The following PVT1 variants were observed in gnomAD, a reference collection of about 807,000 sequenced individuals.
PVT1 encodes the protein CXCR4/PVT1 fusion.
intron 3 of PVT1, among the ~76,000 whole-genome samples, chr8:127,968,609 GC>G (rs1816728782): frequency 6.6e-6 from 1 of 152,180 alleles, no homozygotes; most frequent in African/African-American, 2.4e-5. Flanking sequence ...TATCAGGGAG[GC>G]CCTAAAAGGG....
At chr8:127,913,683 T>C (rs893683158) in intron 3 of PVT1, among the ~76,000 whole-genome samples, 1 of 152,130 alleles carries the variant, frequency 6.6e-6, no homozygotes. Context: ...TCTCTTCTGC[T>C]GGGGAAATGG....
intron 3 of PVT1, among the ~76,000 whole-genome samples, chr8:127,984,903 TTCTTTCTTTCTTTCTTTCTC>T (rs1192315901): frequency 1.1e-5 from 1 of 88,458 alleles, no homozygotes; most frequent in East Asian, 2.5e-4. Flanking sequence ...CTTTCTTTCT[TTCTTTCTTTCTTTCTTTCTC>T]TTTCTCTTTC....
At chr8:128,068,834 T>A (rs1045658643) in intron 4 of PVT1, among the ~76,000 whole-genome samples, 18 of 152,248 alleles carry the variant, frequency 1.2e-4, no homozygotes, top group African/African-American at 4.1e-4. Flanking sequence ...GCCTGGCATA[T>A]GCCTCCATTG....
chr8:128,097,249 T>G (rs1160620851), intron 6 of PVT1, among the ~76,000 whole-genome samples: 1 of 152,134 alleles, frequency 6.6e-6, no homozygotes, highest in Non-Finnish European at 1.5e-5. Context: ...TAATCCCACC[T>G]GCTTGGAAGG....
chr8:127,972,122 C>T (rs1816770895), intron 3 of PVT1, among the ~76,000 whole-genome samples: 1 of 152,204 alleles, frequency 6.6e-6, no homozygotes, highest in Non-Finnish European at 1.5e-5. Flanking sequence ...TGCTGCACTC[C>T]AGTGTTGGGA....
At chr8:127,939,762 A>C (rs1186906719) in intron 3 of PVT1, 3 of 152,238 alleles carry the variant, frequency 2.0e-5, no homozygotes, top group Non-Finnish European at 2.9e-5. Flanking sequence ...AAGGGTCTGT[A>C]CATTTTCCAC....
intron 4 of PVT1, among the ~76,000 whole-genome samples, chr8:128,042,701 G>C (rs1488181038): frequency 1.3e-5 from 2 of 150,784 alleles, no homozygotes; most frequent in Non-Finnish European, 3.0e-5. Flanking sequence ...ATGAGCAGTG[G>C]GATCACCATC....
At chr8:127,997,394 G>A (rs1817119415) in intron 4 of PVT1, among the ~76,000 whole-genome samples, 1 of 152,072 alleles carries the variant, frequency 6.6e-6, no homozygotes. Context: ...GCAGGGGCCT[G>A]GATGGCCGCC....
At chr8:128,037,759 A>G (rs1807362441) in intron 4 of PVT1, among the ~76,000 whole-genome samples, 1 of 152,040 alleles carries the variant, frequency 6.6e-6, no homozygotes, top group South Asian at 2.1e-4. Context: ...GTAAACACAA[A>G]TGCTGCTCGC....
intron 3 of PVT1, among the ~76,000 whole-genome samples, chr8:127,922,018 G>A (rs1192522369): frequency 1.5e-4 from 23 of 150,892 alleles, no homozygotes; most frequent in Admixed American, 1.2e-3. Context: ...GTGCCACCAC[G>A]CCCGGTTAAT....
chr8:127,900,208 A>AT (rs1222696880), intron 3 of PVT1, among the ~76,000 whole-genome samples: 53 of 151,874 alleles, frequency 3.5e-4, no homozygotes, highest in South Asian at 2.5e-3. Flanking sequence ...CACCTGGCTA[A>AT]TTTTTTATAT....
At chr8:128,070,356 A>T (rs1235868919) in exon 5 of PVT1, 2 of 152,222 alleles carry the variant, frequency 1.3e-5, no homozygotes, top group East Asian at 1.9e-4. Context: ...ATGGACTGTG[A>T]TGCGGGTGAG....
intron 4 of PVT1, among the ~76,000 whole-genome samples, chr8:128,037,644 G>A (rs569634638): frequency 2.0e-5 from 3 of 152,168 alleles, no homozygotes; most frequent in Admixed American, 6.5e-5. Context: ...ACCCTCCCAC[G>A]TTCTCTGCCC....
chr8:128,027,237 C>G (rs1217355320), intron 4 of PVT1, among the ~76,000 whole-genome samples: 2 of 152,208 alleles, frequency 1.3e-5, no homozygotes, highest in Admixed American at 6.5e-5. Flanking sequence ...TCCTCCTCCC[C>G]CTGTTGTATT....
intron 3 of PVT1, among the ~76,000 whole-genome samples, chr8:127,913,303 G>A (rs996658482): frequency 3.9e-5 from 6 of 152,166 alleles, no homozygotes; most frequent in Admixed American, 2.0e-4. Context: ...AGGGTCAGGC[G>A]CAACATGCTC....
chr8:128,060,139 C>A (rs933353027), intron 4 of PVT1, among the ~76,000 whole-genome samples: 2 of 152,080 alleles, frequency 1.3e-5, no homozygotes, highest in African/African-American at 4.8e-5. Flanking sequence ...ACCTGTAGTC[C>A]TAGCTGCTGG....
At chr8:128,030,483 C>T (rs543670069) in intron 4 of PVT1, among the ~76,000 whole-genome samples, 1 of 152,222 alleles carries the variant, frequency 6.6e-6, no homozygotes, top group African/African-American at 2.4e-5. Flanking sequence ...TGTTATAATA[C>T]AAACATGTTA....
intron 4 of PVT1, among the ~76,000 whole-genome samples, chr8:128,019,283 A>G (rs533135319): frequency 6.6e-5 from 10 of 152,358 alleles, no homozygotes; most frequent in African/African-American, 2.4e-4. Context: ...CTATAATTGC[A>G]CCAATCTTAA....
chr8:127,950,542 C>T (rs537006204), intron 3 of PVT1, among the ~76,000 whole-genome samples: 1 of 152,262 alleles, frequency 6.6e-6, no homozygotes, highest in South Asian at 2.1e-4. Flanking sequence ...GCACCGGGGC[C>T]CAGGGGTCAC....
Sources: gnomAD v4.1 joint callset for allele counts (sites outside exome capture counted in the v4.1 genomes callset) on GRCh38, gnomAD v4.1.1 for gene constraint, MANE v1.5 for transcripts, NCBI Gene and HGNC (gene_info 2026-07-23, HGNC 2026-07-21) for gene names.